VWC2L: variants seen among roughly 807,000 people sequenced by gnomAD.
VWC2L encodes von Willebrand factor C domain-containing protein 2-like.
Under a neutral mutation model 21.6 loss-of-function variants are expected in VWC2L, and 10 were observed. The ratio of observed to expected loss-of-function variants is 0.46; its 90% CI spans 0.29 to 0.78. VWC2L has a LOEUF of 0.78. Ranked by LOEUF, VWC2L falls within the 30% of genes least tolerant of loss-of-function variation. The probability of loss-of-function intolerance (pLI) is 0.10; values close to 1 mark genes in which losing one functional copy is unlikely to be tolerated. For missense variants in VWC2L, 209 were observed against 277.1 expected (o/e 0.75, Z 1.74); for synonymous variants, 96 against 94.3 (o/e 1.02, Z -0.10).
intron 3 of VWC2L, among the ~76,000 whole-genome samples, chr2:214,503,014 C>G (rs1452728184): frequency 2.0e-5 from 3 of 152,118 alleles, no homozygotes; most frequent in Non-Finnish European, 4.4e-5. Context: ...AGCTGAGAAC[C>G]AATATCTTCC....
At chr2:214,442,452 C>A (rs1156914077) in intron 3 of VWC2L, among the ~76,000 whole-genome samples, 2 of 152,028 alleles carry the variant, frequency 1.3e-5, no homozygotes, top group Non-Finnish European at 2.9e-5. Context: ...ACTAAAAAAT[C>A]AAATTAGATT....
At chr2:214,442,886 G>A (rs185351098) in intron 3 of VWC2L, among the ~76,000 whole-genome samples, 23 of 152,150 alleles carry the variant, frequency 1.5e-4, no homozygotes, top group African/African-American at 5.5e-4. Flanking sequence ...AAATCCCTGA[G>A]TTCTAGATTT....
chr2:214,452,592 CT>C (rs1300087603), intron 3 of VWC2L, among the ~76,000 whole-genome samples: 1 of 151,708 alleles, frequency 6.6e-6, no homozygotes, highest in Non-Finnish European at 1.5e-5. Flanking sequence ...TGGATACTTT[CT>C]TTTTTGAATA....
At chr2:214,490,878 A>G (rs202124542) in intron 3 of VWC2L, among the ~76,000 whole-genome samples, 1 of 152,234 alleles carries the variant, frequency 6.6e-6, no homozygotes, top group Non-Finnish European at 1.5e-5. Flanking sequence ...GAGCTAGCCT[A>G]CAGCCACAAC....
intron 3 of VWC2L, among the ~76,000 whole-genome samples, chr2:214,450,501 A>G (rs1042020973): frequency 9.9e-5 from 15 of 152,186 alleles, no homozygotes; most frequent in African/African-American, 3.1e-4. Flanking sequence ...AAGAGTTGAA[A>G]CATCAGGTAT....
At chr2:214,531,702 G>GT (rs1455538596) in intron 3 of VWC2L, among the ~76,000 whole-genome samples, 1 of 152,142 alleles carries the variant, frequency 6.6e-6, no homozygotes, top group East Asian at 1.9e-4. Flanking sequence ...AATTTCTCAT[G>GT]TGACTGTCCA....
In VWC2L at chr2:214,522,672, A is replaced by C. The variant is rs994395521; in HGVS notation, c.521-53000A>C. ...ACAAATCTGAAAAGGAGTCATTATAATATGTCTTTTGAAGATAAATTTGGA... is the reference window on the plus strand; with the variant it reads ...ACAAATCTGAAAAGGAGTCATTATACTATGTCTTTTGAAGATAAATTTGGA... On this transcript the variant is annotated intron_variant, in intron 3 of 3. Coordinates refer to ENST00000312504, the MANE Select transcript of VWC2L (RefSeq NM_001080500.4). Among the ~76,000 whole-genome samples, 4 of 152,242 alleles carry C rather than the reference A, an allele frequency of 2.6e-5. No individual in the cohort carries two copies. In the South Asian group the frequency reaches 6.2e-4, roughly 24 times the overall value.
rs74888694 is a variant in VWC2L at position 214,576,201 on chromosome 2, A to C, written c.*381A>C. On this transcript the variant is annotated 3_prime_UTR_variant, in exon 4 of 4. Coordinates refer to ENST00000312504, the MANE Select transcript of VWC2L (RefSeq NM_001080500.4). ...TACTCTTCTGTACATTGTACATGGC[A>C]TTGTTCTCCTGTAATATTTGTTTTT... 1.9e-3 allele frequency: 300 copies of C among 153,890 alleles called. 1 individual carries two copies. Among genetic ancestry groups the C allele is most frequent in the African/African-American group, 6.1e-3 (255 of 41,564 alleles). The allele number at this position is 153,890 out of a possible 1,614,324, so 9.5% of individuals were successfully genotyped here.
At chr2:214,479,578 G>T (rs1688572799) in intron 3 of VWC2L, among the ~76,000 whole-genome samples, 1 of 152,178 alleles carries the variant, frequency 6.6e-6, no homozygotes, top group Admixed American at 6.5e-5. Flanking sequence ...GCTGAGGCAG[G>T]CGGATCACCT....
chr2:214,424,072 T>C (rs938918830), intron 2 of VWC2L, among the ~76,000 whole-genome samples: 1 of 152,180 alleles, frequency 6.6e-6, no homozygotes, highest in African/African-American at 2.4e-5. Flanking sequence ...GGAAGGACTG[T>C]TGCAAAAATT....
At chr2:214,519,557 T>C (rs1689199090) in intron 3 of VWC2L, among the ~76,000 whole-genome samples, 1 of 152,200 alleles carries the variant, frequency 6.6e-6, no homozygotes, top group Non-Finnish European at 1.5e-5. Flanking sequence ...TCTGAAAGAA[T>C]TTTCAAGATA....
At chr2:214,572,480 T>C (rs1690163647) in intron 3 of VWC2L, among the ~76,000 whole-genome samples, 1 of 152,160 alleles carries the variant, frequency 6.6e-6, no homozygotes, top group Non-Finnish European at 1.5e-5. Flanking sequence ...TTCACTCTTT[T>C]AAGAAACGTA....
intron 3 of VWC2L, among the ~76,000 whole-genome samples, chr2:214,554,626 G>A (rs1386041609): frequency 6.6e-6 from 1 of 152,142 alleles, no homozygotes; most frequent in Non-Finnish European, 1.5e-5. Context: ...TCACGCCATT[G>A]CACTATAGCC....
intron 3 of VWC2L, among the ~76,000 whole-genome samples, chr2:214,525,828 C>A (rs949034001): frequency 3.9e-5 from 6 of 152,126 alleles, no homozygotes; most frequent in Admixed American, 3.9e-4. Flanking sequence ...ACCTTTGGCC[C>A]TGAAAACACA....
chr2:214,523,066 A>G (rs1007060021), intron 3 of VWC2L, among the ~76,000 whole-genome samples: 34 of 152,210 alleles, frequency 2.2e-4, no homozygotes, highest in African/African-American at 8.2e-4. Context: ...CCAGAGAGAA[A>G]TAACTTTTTA....
chr2:214,534,520 G>A (rs552929143), intron 3 of VWC2L, among the ~76,000 whole-genome samples: 17 of 152,162 alleles, frequency 1.1e-4, no homozygotes, highest in Non-Finnish European at 1.8e-4. Context: ...TACAGAAAAT[G>A]CACCAATTAG....
chr2:214,566,033 C>T (rs1441253101), intron 3 of VWC2L, among the ~76,000 whole-genome samples: 1 of 152,084 alleles, frequency 6.6e-6, no homozygotes, highest in East Asian at 1.9e-4. Context: ...ATACAACCTA[C>T]TTTTAGGATT....
In VWC2L at chr2:214,426,170, T is replaced by TAA. The variant is rs1702521662; in HGVS notation, c.391-10459_391-10458insAA. On this transcript the variant is annotated intron_variant, in intron 2 of 3. Coordinates refer to ENST00000312504, the MANE Select transcript of VWC2L (RefSeq NM_001080500.4). ...CTGGGTGATAGAGTGAGGCTTCGTC[T>TAA]CAAAAAAAAAAAAAAAAAAAAAAAA... Among the ~76,000 whole-genome samples the TAA allele has an allele frequency of 4.2e-4, 16 of 37,814 alleles. No homozygotes were observed. In the East Asian group the frequency reaches 0.013, roughly 30 times the overall value. 24.8% of individuals were successfully genotyped at this position (37,814 alleles called of 152,430 possible).
intron 2 of VWC2L, among the ~76,000 whole-genome samples, chr2:214,425,466 C>T (rs1425998904): frequency 1.3e-5 from 2 of 152,196 alleles, no homozygotes; most frequent in Non-Finnish European, 2.9e-5. Context: ...TGTATCATAA[C>T]TTAATAATTT....
Sources: allele counts gnomAD v4.1 joint callset (sites outside exome capture counted in the v4.1 genomes callset), GRCh38; gene constraint gnomAD v4.1.1; transcripts MANE v1.5; gene names NCBI Gene and HGNC (gene_info 2026-07-23, HGNC 2026-07-21).